ARHGAP10: variants seen among roughly 807,000 people sequenced by gnomAD.
ARHGAP10 encodes rho GTPase-activating protein 10.
A neutral mutation model predicts 108.6 loss-of-function variants in ARHGAP10; 87 were observed. That is an observed-to-expected ratio of 0.80 (90% CI 0.67 to 0.96). The LOEUF is 0.96. Among genes scored for constraint, ARHGAP10 ranks in the 40% least tolerant of loss-of-function variants. The pLI, the probability that ARHGAP10 is intolerant of heterozygous loss-of-function variation, is 0.00. For missense variants in ARHGAP10, 939 were observed against 954.5 expected, an observed-to-expected ratio of 0.98 and a Z score of 0.21; for synonymous variants, 347 against 341.1, an observed-to-expected ratio of 1.02 and a Z score of -0.19.
chr4:148,012,118 C>T (rs1741192588), intron 18 of ARHGAP10, among the ~76,000 whole-genome samples: 1 of 152,144 alleles, frequency 6.6e-6, no homozygotes, highest in African/African-American at 2.4e-5. Context: ...TGGTTCTATG[C>T]CTATTATCCT....
At chr4:147,769,857 A>C (rs1406107074) in intron 1 of ARHGAP10, among the ~76,000 whole-genome samples, 1 of 152,166 alleles carries the variant, frequency 6.6e-6, no homozygotes, top group East Asian at 1.9e-4. Context: ...TGAGGGAGGA[A>C]AAGGGAAAAG....
At chr4:147,787,125 G>T (rs751614691) in intron 1 of ARHGAP10, among the ~76,000 whole-genome samples, 2 of 152,202 alleles carry the variant, frequency 1.3e-5, no homozygotes, top group Non-Finnish European at 2.9e-5. Context: ...GATGACCAAG[G>T]TGGAAGCTAG....
At chr4:147,765,109 T>C (rs1431105656) in intron 1 of ARHGAP10, among the ~76,000 whole-genome samples, 5 of 152,194 alleles carry the variant, frequency 3.3e-5, no homozygotes, top group Admixed American at 3.3e-4. Context: ...TGTGGACTAA[T>C]GATGGACCAT....
At chr4:148,038,909 G>T (rs1728498012) in intron 19 of ARHGAP10, among the ~76,000 whole-genome samples, 1 of 147,190 alleles carries the variant, frequency 6.8e-6, no homozygotes, top group South Asian at 2.1e-4. Context: ...TAAAATGACA[G>T]TTTTTTTTGT....
chr4:147,998,852 T>G (rs1347933138), intron 18 of ARHGAP10, among the ~76,000 whole-genome samples: 2 of 152,256 alleles, frequency 1.3e-5, no homozygotes, highest in African/African-American at 4.8e-5. Context: ...AATTTAGTAT[T>G]CTGTTTAATT....
At chr4:147,852,586 A>T (rs1411584023) in intron 4 of ARHGAP10, among the ~76,000 whole-genome samples, 1 of 151,766 alleles carries the variant, frequency 6.6e-6, no homozygotes, top group Admixed American at 6.6e-5. Context: ...CATTATCAGT[A>T]GGTTCTTGGA....
chr4:147,740,697 T>A (rs1394671956), intron 1 of ARHGAP10, among the ~76,000 whole-genome samples: 1 of 152,222 alleles, frequency 6.6e-6, no homozygotes, highest in African/African-American at 2.4e-5. Flanking sequence ...CCTTCCTCTT[T>A]TCCTCCCCAT....
At chr4:147,763,930 T>C (rs2126708897) in intron 1 of ARHGAP10, among the ~76,000 whole-genome samples, 1 of 152,186 alleles carries the variant, frequency 6.6e-6, no homozygotes, top group South Asian at 2.1e-4. Flanking sequence ...AATTTCTGTA[T>C]TTTGAGTAGA....
intron 4 of ARHGAP10, chr4:147,854,959 A>G (rs183456185): frequency 7.6e-6 from 6 of 785,896 alleles, no homozygotes; most frequent in Admixed American, 1.2e-4. Context: ...ATAGCCTTCT[A>G]TTGCTGAGTG....
intron 10 of ARHGAP10, among the ~76,000 whole-genome samples, chr4:147,889,249 G>C (rs552377040): frequency 1.6e-4 from 24 of 152,158 alleles, no homozygotes; most frequent in African/African-American, 5.8e-4. Context: ...TGTGGAGTTT[G>C]TGGGTATTAT....
intron 20 of ARHGAP10, among the ~76,000 whole-genome samples, chr4:148,055,944 G>A (rs1435239891): frequency 2.0e-5 from 3 of 152,090 alleles, no homozygotes; most frequent in Admixed American, 1.3e-4. Context: ...CAAACCCCAC[G>A]TCCCTTCCAG....
At chr4:147,913,451 G>A (rs1304939550) in intron 13 of ARHGAP10, among the ~76,000 whole-genome samples, 35 of 152,172 alleles carry the variant, frequency 2.3e-4, no homozygotes, top group Non-Finnish European at 2.9e-5. Context: ...TTTTCTCGTG[G>A]TTCTGGAGGC....
intron 1 of ARHGAP10, among the ~76,000 whole-genome samples, chr4:147,758,302 A>G (rs1729461757): frequency 6.6e-6 from 1 of 152,206 alleles, no homozygotes; most frequent in Non-Finnish European, 1.5e-5. Context: ...TTATGTATGA[A>G]TAAACCTAAA....
At chr4:147,875,736 G>A (rs371614205) in intron 8 of ARHGAP10, among the ~76,000 whole-genome samples, 4 of 152,134 alleles carry the variant, frequency 2.6e-5, no homozygotes, top group Non-Finnish European at 5.9e-5. Context: ...ATATTCCTAC[G>A]TGGCATCCTA....
At position 147,881,903 on chromosome 4, in the gene ARHGAP10, G is replaced by A. The variant is rs1216267606; in HGVS notation, c.1005G>A (p.Arg335=). 3 of 1,614,082 alleles carry A rather than the reference G, an allele frequency of 1.9e-6. No homozygotes were observed. In the East Asian group the frequency reaches 6.7e-5, roughly 36 times the overall value. The change falls in exon 10 of 23, where the codon AGG becomes AGA. Residue 335 remains arginine, a synonymous_variant. Coordinates refer to ENST00000336498, the MANE Select transcript of ARHGAP10 (RefSeq NM_024605.4). ...GGCATACTGACTCCATTGACAGAAGGTTTTGTTTTGACATAGAAGCTGCTG... is the reference window on the plus strand; with the variant it reads ...GGCATACTGACTCCATTGACAGAAGATTTTGTTTTGACATAGAAGCTGCTG... The part of the protein sequence containing the change: ...TKRHTDSIDR[R]FCFDIEAADR...
chr4:148,008,869 A>G (rs1023474202), intron 18 of ARHGAP10, among the ~76,000 whole-genome samples: 12 of 152,110 alleles, frequency 7.9e-5, no homozygotes, highest in African/African-American at 1.7e-4. Context: ...TTGAATGCAG[A>G]AGGAGACAGA....
chr4:148,018,675 T>G (rs1427526773), intron 18 of ARHGAP10, among the ~76,000 whole-genome samples: 1 of 152,208 alleles, frequency 6.6e-6, no homozygotes, highest in Non-Finnish European at 1.5e-5. Flanking sequence ...ATGGTGAATT[T>G]ATGTAGCTAT....
intron 19 of ARHGAP10, among the ~76,000 whole-genome samples, chr4:148,024,176 G>A (rs192160506): frequency 6.6e-6 from 1 of 152,184 alleles, no homozygotes; most frequent in Admixed American, 6.5e-5. Flanking sequence ...GATGATTCTG[G>A]TATCCAAACC....
intron 19 of ARHGAP10, among the ~76,000 whole-genome samples, chr4:148,044,119 T>C (rs1728771812): frequency 6.6e-6 from 1 of 152,148 alleles, no homozygotes; most frequent in Admixed American, 6.5e-5. Context: ...AAATTGCCAC[T>C]GTTTGGCAGG....
Sources: allele counts gnomAD v4.1 joint callset (sites outside exome capture counted in the v4.1 genomes callset), GRCh38; gene constraint gnomAD v4.1.1; transcripts MANE v1.5; gene names NCBI Gene and HGNC (gene_info 2026-07-23, HGNC 2026-07-21).